The following MAD1L1 variants were observed in gnomAD, a reference collection of about 807,000 sequenced individuals.
MAD1L1 encodes mitotic arrest deficient 1 like 1, also known as mitotic spindle assembly checkpoint protein MAD1.
MAD1L1 carries 95 observed loss-of-function variants against 96.9 expected under a neutral mutation model. The ratio of observed to expected loss-of-function variants is 0.98; its 90% CI spans 0.83 to 1.16. MAD1L1 has a LOEUF of 1.16. Among genes scored for constraint, MAD1L1 ranks in the 50% most tolerant of loss-of-function variants. MAD1L1 has a pLI of 0.00. For missense variants in MAD1L1, 1,007 were observed against 954.4 expected, an observed-to-expected ratio of 1.06 and a Z score of -0.73; for synonymous variants, 473 against 396.6, an observed-to-expected ratio of 1.19 and a Z score of -2.29.
chr7:1,930,763 G>A (rs1789425500), intron 17 of MAD1L1, among the ~76,000 whole-genome samples: 1 of 151,360 alleles, frequency 6.6e-6, no homozygotes, highest in African/African-American at 2.4e-5. Context: ...TGGGACACTG[G>A]GCGCTGTCTC....
chr7:1,847,500 G>A (rs1222071651), intron 18 of MAD1L1: 1 of 471,000 alleles, frequency 2.1e-6, no homozygotes, highest in African/African-American at 2.0e-5. Flanking sequence ...GCCACTGCAG[G>A]GGAAGCTCAG....
At chr7:2,009,949 G>A (rs1016520241) in intron 13 of MAD1L1, among the ~76,000 whole-genome samples, 1 of 152,100 alleles carries the variant, frequency 6.6e-6, no homozygotes, top group Admixed American at 6.5e-5. Context: ...AATGGAGCCA[G>A]CACCTCGCGA....
chr7:1,902,445 T>C (rs1019566391), intron 17 of MAD1L1, among the ~76,000 whole-genome samples: 1 of 152,300 alleles, frequency 6.6e-6, no homozygotes, highest in Admixed American at 6.5e-5. Flanking sequence ...GGCCCAGGCC[T>C]TTCAGAAGGA....
chr7:1,839,896 C>G (rs1448726076), intron 18 of MAD1L1, among the ~76,000 whole-genome samples: 1 of 152,204 alleles, frequency 6.6e-6, no homozygotes, highest in African/African-American at 2.4e-5. Context: ...CCCGCCTCCC[C>G]CCATAACCAC....
intron 16 of MAD1L1, among the ~76,000 whole-genome samples, chr7:1,939,115 G>GGC (rs1372201187): frequency 8.4e-6 from 1 of 118,860 alleles, no homozygotes; most frequent in Non-Finnish European, 1.7e-5. Context: ...CAGGGCCAGA[G>GGC]GCGCGCACAC....
intron 11 of MAD1L1, among the ~76,000 whole-genome samples, chr7:2,131,984 T>C (rs955954039): frequency 3.9e-5 from 6 of 152,176 alleles, no homozygotes; most frequent in Non-Finnish European, 5.9e-5. Context: ...ATGTGCCTCG[T>C]AGACCCGCCG....
At chr7:1,957,507 G>A (rs925973373) in intron 16 of MAD1L1, 122 bp downstream of exon 16, 1 of 949,944 alleles carries the variant, frequency 1.1e-6, no homozygotes, top group Non-Finnish European at 1.6e-6. Context: ...GGAGGGAGGA[G>A]AGTTCAGACA....
At chr7:1,972,985 T>C (rs957525381) in intron 15 of MAD1L1, among the ~76,000 whole-genome samples, 4 of 152,216 alleles carry the variant, frequency 2.6e-5, no homozygotes, top group African/African-American at 9.6e-5. Context: ...TACTGACATC[T>C]AGTTTGGGTT....
chr7:2,175,014 C>G (rs1790879114), intron 10 of MAD1L1: 1 of 152,128 alleles, frequency 6.6e-6, no homozygotes, highest in South Asian at 2.1e-4. Context: ...TCTCAGTCCC[C>G]ACAGGAGGCC....
intron 16 of MAD1L1, among the ~76,000 whole-genome samples, chr7:1,937,595 AACAGCCGCCCACAGCAGGGG>A (rs1562541048): frequency 6.6e-6 from 1 of 151,030 alleles, no homozygotes; most frequent in African/African-American, 2.4e-5. Flanking sequence ...CACAGCAGGG[AACAGCCGCCCACAGCAGGGG>A]ACAGCCGCCC....
At position 2,213,223 on chromosome 7, in the gene MAD1L1, G is replaced by C; in HGVS notation, c.975C>G (p.Gly325=). ...CTGCCCTTCCCTACCTGATGCTCAGGCCCATGGTCTGGTCCAGTCTCTCCC... is the reference window on the plus strand; with the variant it reads ...CTGCCCTTCCCTACCTGATGCTCAGCCCCATGGTCTGGTCCAGTCTCTCCC... ...QSWERLDQTM[G]LSIRTPEDLS... is the part of the protein sequence containing the mutation. The change falls in exon 10 of 19, where the codon GGC becomes GGG. Residue 325 remains glycine, a synonymous_variant. Coordinates refer to ENST00000265854, the MANE Select transcript of MAD1L1 (RefSeq NM_001013836.2). 6.2e-7 allele frequency: 1 copy of C among 1,614,132 alleles called. No individual in the cohort carries two copies. The highest frequency in any genetic ancestry group is 8.5e-7 in the Non-Finnish European group (1 of 1,180,026).
At chr7:2,067,909 G>A (rs952175021) in intron 12 of MAD1L1, among the ~76,000 whole-genome samples, 25 of 152,374 alleles carry the variant, frequency 1.6e-4, no homozygotes, top group African/African-American at 5.8e-4. Flanking sequence ...CTAGAAGAGC[G>A]AATCCTCCAA....
Position 2,115,426 on chromosome 7 carries a change from G to A in MAD1L1, c.1073+33726C>T, listed in dbSNP as rs143150048. Among the ~76,000 whole-genome samples, 163 of 149,814 alleles carry A rather than the reference G, an allele frequency of 1.1e-3. 2 individuals are homozygous for A. The highest frequency in any genetic ancestry group is 3.7e-3 in the African/African-American group (151 of 40,490). On this transcript the variant is annotated intron_variant, in intron 11 of 18. Coordinates refer to ENST00000265854, the MANE Select transcript of MAD1L1 (RefSeq NM_001013836.2). ...GGTCCCCACGTGTTCTGGGGTCAGA[G>A]GAGGTGCTGGACAGGGTCCCCGCGT...
At chr7:2,132,456 G>A (rs1287835960) in intron 11 of MAD1L1, among the ~76,000 whole-genome samples, 4 of 151,506 alleles carry the variant, frequency 2.6e-5, no homozygotes, top group African/African-American at 7.2e-5. Context: ...ACGGCCGCGT[G>A]CAGTCGGTCC....
intron 15 of MAD1L1, among the ~76,000 whole-genome samples, chr7:1,975,297 T>C (rs1157929839): frequency 2.0e-5 from 3 of 152,288 alleles, no homozygotes; most frequent in African/African-American, 2.4e-5. Flanking sequence ...CCTGGGACCA[T>C]AGCATCTGAG....
intron 17 of MAD1L1, among the ~76,000 whole-genome samples, chr7:1,923,813 C>T (rs1342082067): frequency 6.6e-6 from 1 of 152,242 alleles, no homozygotes; most frequent in Non-Finnish European, 1.5e-5. Flanking sequence ...GGCTCTGACC[C>T]TAATCAGCAC....
intron 11 of MAD1L1, among the ~76,000 whole-genome samples, chr7:2,096,629 A>G (rs1047071438): frequency 6.6e-6 from 1 of 152,168 alleles, no homozygotes; most frequent in East Asian, 1.9e-4. Flanking sequence ...CGCTACAGCG[A>G]GACCCTACAG....
intron 11 of MAD1L1, among the ~76,000 whole-genome samples, chr7:2,074,613 C>G (rs1785290599): frequency 6.6e-6 from 1 of 152,258 alleles, no homozygotes; most frequent in Non-Finnish European, 1.5e-5. Flanking sequence ...AAGAGCTGCC[C>G]CACTTGCCTG....
chr7:2,078,106 C>G (rs1318282132), intron 11 of MAD1L1, among the ~76,000 whole-genome samples: 1 of 152,174 alleles, frequency 6.6e-6, no homozygotes, highest in Admixed American at 6.5e-5. Flanking sequence ...GCCATCGAAG[C>G]CCCCAGCTCC....
Sources: allele counts gnomAD v4.1 joint callset (sites outside exome capture counted in the v4.1 genomes callset), GRCh38; gene constraint gnomAD v4.1.1; transcripts MANE v1.5; gene names NCBI Gene and HGNC (gene_info 2026-07-23, HGNC 2026-07-21).